SLCO3A1: variants seen among roughly 807,000 people sequenced by gnomAD.
SLCO3A1 encodes solute carrier organic anion transporter family member 3A1.
A neutral mutation model predicts 63.1 loss-of-function variants in SLCO3A1; 27 were observed. That is an observed-to-expected ratio of 0.43 (90% CI 0.32 to 0.59). The LOEUF is 0.59. SLCO3A1 is among the 20% of genes least tolerant of loss of function. The probability of loss-of-function intolerance (pLI) is 0.09; values close to 1 mark genes in which losing one functional copy is unlikely to be tolerated. For missense variants in SLCO3A1, 773 were observed against 945.8 expected (o/e 0.82, Z 2.40); for synonymous variants, 473 against 409.9 (o/e 1.15, Z -1.86).
chr15:91,989,933 C>T (rs1388270612), intron 2 of SLCO3A1, among the ~76,000 whole-genome samples: 1 of 152,210 alleles, frequency 6.6e-6, no homozygotes, highest in African/African-American at 2.4e-5. Flanking sequence ...ATGAAAACTT[C>T]TTCCATTTGC....
chr15:92,036,695 C>G (rs932444592), intron 2 of SLCO3A1, among the ~76,000 whole-genome samples: 1 of 152,156 alleles, frequency 6.6e-6, no homozygotes, highest in African/African-American at 2.4e-5. Context: ...TTCAAAAGGA[C>G]CAAGTCAGGT....
chr15:91,857,652 G>A (rs141776063), intron 1 of SLCO3A1, among the ~76,000 whole-genome samples: 1 of 152,292 alleles, frequency 6.6e-6, no homozygotes, highest in African/African-American at 2.4e-5. Context: ...CATTTTGTGT[G>A]TGCCTATTGG....
chr15:91,910,626 A>G (rs1469549245), intron 1 of SLCO3A1, among the ~76,000 whole-genome samples: 3 of 152,222 alleles, frequency 2.0e-5, no homozygotes, highest in Admixed American at 2.0e-4. Context: ...AGGAAGATTG[A>G]CTTGACCAAA....
chr15:91,937,097 A>G (rs982097965), intron 2 of SLCO3A1, among the ~76,000 whole-genome samples: 3 of 152,168 alleles, frequency 2.0e-5, no homozygotes, highest in African/African-American at 7.2e-5. Flanking sequence ...AAGTGGGTGA[A>G]GGGTGTCAGC....
chr15:92,156,209 G>GCCCAGGGGC (rs1265250250), intron 9 of SLCO3A1, among the ~76,000 whole-genome samples: 2 of 152,336 alleles, frequency 1.3e-5, no homozygotes, highest in East Asian at 1.9e-4. Flanking sequence ...AGCACAGCAT[G>GCCCAGGGGC]CCCAGGGGCC....
intron 2 of SLCO3A1, among the ~76,000 whole-genome samples, chr15:92,012,019 C>A (rs2046374337): frequency 6.6e-6 from 1 of 152,204 alleles, no homozygotes; most frequent in Non-Finnish European, 1.5e-5. Context: ...TGAGCGGGGA[C>A]TGAAGCCTCA....
At chr15:92,128,949 C>T (rs946778027) in intron 7 of SLCO3A1, among the ~76,000 whole-genome samples, 5 of 152,248 alleles carry the variant, frequency 3.3e-5, no homozygotes, top group African/African-American at 1.2e-4. Context: ...AACTAAATGC[C>T]TCCCACCTCT....
chr15:91,983,947 A>T (rs976816883), intron 2 of SLCO3A1, among the ~76,000 whole-genome samples: 1 of 152,198 alleles, frequency 6.6e-6, no homozygotes, highest in African/African-American at 2.4e-5. Context: ...TAACTAGGCT[A>T]ATCAATCAAG....
At chr15:91,905,056 C>T (rs1314015096) in intron 1 of SLCO3A1, among the ~76,000 whole-genome samples, 3 of 152,214 alleles carry the variant, frequency 2.0e-5, no homozygotes, top group African/African-American at 7.2e-5. Flanking sequence ...TGCTTACGCT[C>T]ATCCCTAACA....
chr15:92,046,357 A>T (rs2046863057), intron 2 of SLCO3A1, among the ~76,000 whole-genome samples: 1 of 151,852 alleles, frequency 6.6e-6, no homozygotes, highest in Non-Finnish European at 1.5e-5. Flanking sequence ...TCTACTAAAA[A>T]TACCAAAAGA....
chr15:91,981,880 C>T (rs2151437127), intron 2 of SLCO3A1, among the ~76,000 whole-genome samples: 1 of 152,364 alleles, frequency 6.6e-6, no homozygotes, highest in Admixed American at 6.5e-5. Context: ...GCATGTACAA[C>T]CCGTTGCCCA....
Position 91,986,736 on chromosome 15 carries a change from T to TG in SLCO3A1, c.646+70281dup, listed in dbSNP as rs11418064. On this transcript the variant is annotated intron_variant, in intron 2 of 9. Coordinates refer to ENST00000318445, the MANE Select transcript of SLCO3A1 (RefSeq NM_013272.4). ...CCTTTGGTGCGAAATGAAGTTAATT[T>TG]GGGTTTGTACTCTCCATAGCTATTT... Among the ~76,000 whole-genome samples the TG allele has an allele frequency of 6.5e-3, 992 of 152,338 alleles. 13 individuals carry two copies. The highest frequency in any genetic ancestry group is 0.023 in the African/African-American group (954 of 41,574).
chr15:92,097,564 C>T (rs2151539597), intron 3 of SLCO3A1, among the ~76,000 whole-genome samples: 1 of 152,338 alleles, frequency 6.6e-6, no homozygotes, highest in Admixed American at 6.5e-5. Context: ...TCATTGGCTA[C>T]TTGGTGCCTG....
At chr15:91,946,379 A>G (rs1256486992) in intron 2 of SLCO3A1, among the ~76,000 whole-genome samples, 1 of 152,202 alleles carries the variant, frequency 6.6e-6, no homozygotes, top group Non-Finnish European at 1.5e-5. Context: ...TGATTCCCAG[A>G]TACCCTGTGT....
rs1199921318 is a variant in SLCO3A1, at chr15:91,886,565, A to C, written c.181-29428A>C. On this transcript the variant is annotated intron_variant, in intron 1 of 9. Transcript: ENST00000318445. The surrounding 1 kb of genome is among the most constrained non-coding windows in gnomAD (Gnocchi z 4.9). ...AAAGAGAGATGGAAGATTCAGCCTCAGCGTCAGTGTTGTTTCTACGGTGTG... is the reference window on the plus strand; with the variant it reads ...AAAGAGAGATGGAAGATTCAGCCTCCGCGTCAGTGTTGTTTCTACGGTGTG... Among the ~76,000 whole-genome samples, 1 of 152,208 alleles carries C rather than the reference A, an allele frequency of 6.6e-6. No individual in the cohort carries two copies. The highest frequency in any genetic ancestry group is 1.5e-5 in the Non-Finnish European group (1 of 68,046).
intron 1 of SLCO3A1, among the ~76,000 whole-genome samples, chr15:91,911,043 T>C (rs1013321919): frequency 1.3e-5 from 2 of 152,236 alleles, no homozygotes; most frequent in African/African-American, 4.8e-5. Flanking sequence ...GATGGGCTCA[T>C]GAATACTTGG....
rs140017776 is a variant in SLCO3A1, at chr15:91,866,029, G to A, written c.180+11941G>A. The stretch of plus-strand genomic sequence containing the variant: ...ATCATTTCAATCTTCACAGAAATGC[G>A]GACAGTCCCTGTTTCCTTTCTGTAA... On this transcript the variant is annotated intron_variant, in intron 1 of 9. Transcript: ENST00000318445. Among the ~76,000 whole-genome samples the A allele has an allele frequency of 4.0e-3, 614 of 152,252 alleles. 6 individuals carry two copies. The highest frequency in any genetic ancestry group is 0.012 in the African/African-American group (495 of 41,528).
chr15:91,945,751 G>A (rs1227129824), intron 2 of SLCO3A1, among the ~76,000 whole-genome samples: 1 of 152,206 alleles, frequency 6.6e-6, no homozygotes, highest in Admixed American at 6.5e-5. Flanking sequence ...GTGATCCGAT[G>A]GTGACTGGCT....
chr15:92,031,550 T>C (rs555141290), intron 2 of SLCO3A1, among the ~76,000 whole-genome samples: 2 of 152,280 alleles, frequency 1.3e-5, no homozygotes, highest in African/African-American at 4.8e-5. Context: ...TGTCTTCCTC[T>C]TGGGAATTTC....
Sources: gnomAD v4.1 joint callset for allele counts (sites outside exome capture counted in the v4.1 genomes callset) on GRCh38, gnomAD v4.1.1 for gene constraint, Gnocchi (gnomAD v3.1) non-coding constraint, MANE v1.5 for transcripts, NCBI Gene and HGNC (gene_info 2026-07-23, HGNC 2026-07-21) for gene names.